The following OPN5 variants were observed in gnomAD, a reference collection of about 807,000 sequenced individuals.
OPN5 encodes the protein opsin-5.
OPN5 carries 18 observed loss-of-function variants against 41.7 expected under a neutral mutation model. The observed-to-expected ratio is 0.43, with a 90% CI of 0.30 to 0.64. The LOEUF is 0.64. Among genes scored for constraint, OPN5 ranks in the 30% least tolerant of loss-of-function variants. The pLI is 0.13. For synonymous variants in OPN5, 178 were observed against 164.3 expected (o/e 1.08, Z -0.64); for missense variants, 318 against 434.5 (o/e 0.73, Z 2.38).
intron 4 of OPN5, among the ~76,000 whole-genome samples, chr6:47,804,447 G>C (rs1375649870): frequency 6.6e-6 from 1 of 152,162 alleles, no homozygotes; most frequent in Non-Finnish European, 1.5e-5. Context: ...GTCAAAAACA[G>C]ACTGATGAAA....
At chr6:47,816,524 GT>G (rs1203643493) in intron 6 of OPN5, among the ~76,000 whole-genome samples, 2 of 152,148 alleles carry the variant, frequency 1.3e-5, no homozygotes, top group Non-Finnish European at 2.9e-5. Flanking sequence ...TCTTGAGTCA[GT>G]TTTCTTCCTC....
intron 4 of OPN5, among the ~76,000 whole-genome samples, chr6:47,796,108 A>C (rs1773562269): frequency 6.6e-6 from 1 of 152,140 alleles, no homozygotes; most frequent in African/African-American, 2.4e-5. Flanking sequence ...CGGTAGTTTC[A>C]GAGGTGACAG....
chr6:47,814,574 G>C (rs1422870018), intron 6 of OPN5, among the ~76,000 whole-genome samples: 1 of 152,076 alleles, frequency 6.6e-6, no homozygotes, highest in Non-Finnish European at 1.5e-5. Context: ...GGAGGCACCA[G>C]AATTGATAGA....
At chr6:47,809,856 G>A (rs1341237579) in intron 5 of OPN5, among the ~76,000 whole-genome samples, 1 of 152,198 alleles carries the variant, frequency 6.6e-6, no homozygotes, top group Admixed American at 6.5e-5. Flanking sequence ...AATTTTAATA[G>A]AGCAGTTGTG....
At chr6:47,821,198 T>C (rs188294052) in intron 6 of OPN5, among the ~76,000 whole-genome samples, 3 of 152,302 alleles carry the variant, frequency 2.0e-5, no homozygotes, top group East Asian at 3.9e-4. Context: ...GGTGTAACTT[T>C]TGTTTCTTTA....
chr6:47,809,792 C>T (rs937238868), intron 5 of OPN5, among the ~76,000 whole-genome samples: 4 of 152,208 alleles, frequency 2.6e-5, no homozygotes, highest in African/African-American at 7.2e-5. Flanking sequence ...GAAGTAATAA[C>T]ACTATGTCCT....
Position 47,822,736 on chromosome 6 carries a change from G to A in OPN5, c.1057-1247G>A, listed in dbSNP as rs368694492. Among the ~76,000 whole-genome samples the A allele has an allele frequency of 1.4e-3, 220 of 152,310 alleles. 1 individual carries two copies. The highest frequency in any genetic ancestry group is 4.7e-3 in the African/African-American group (197 of 41,566). On this transcript the variant is annotated intron_variant, in intron 6 of 6. Coordinates refer to ENST00000371211, the Ensembl canonical transcript of OPN5. ...TGGAGTCTGTTCTGTAGGCAGATTG[G>A]CCATGAGAGCTAATAAAAATTTGTT... is the stretch of plus-strand genomic sequence containing the variant.
intron 4 of OPN5, among the ~76,000 whole-genome samples, chr6:47,801,033 C>A (rs1425928834): frequency 1.3e-5 from 2 of 152,178 alleles, no homozygotes; most frequent in Non-Finnish European, 2.9e-5. Flanking sequence ...GAAAGCCCTC[C>A]TGATTCTCCC....
At chr6:47,810,804 C>T (rs1017818823) in intron 5 of OPN5, among the ~76,000 whole-genome samples, 1 of 152,196 alleles carries the variant, frequency 6.6e-6, no homozygotes, top group Non-Finnish European at 1.5e-5. Context: ...TTCTTTCCTA[C>T]ACCTGGGTAT....
At chr6:47,806,876 G>A (rs143986513) in intron 4 of OPN5, among the ~76,000 whole-genome samples, 65 of 152,192 alleles carry the variant, frequency 4.3e-4, no homozygotes, top group Middle Eastern at 3.4e-3. Flanking sequence ...CTCCTCAGTA[G>A]GCCAGGCGCG....
intron 6 of OPN5, among the ~76,000 whole-genome samples, chr6:47,819,133 G>A (rs1372136856): frequency 2.0e-5 from 3 of 151,380 alleles, no homozygotes; most frequent in African/African-American, 7.3e-5. Flanking sequence ...CTTTAAATTT[G>A]TTTGTCAAAA....
intron 2 of OPN5, among the ~76,000 whole-genome samples, chr6:47,788,716 A>C (rs1000412985): frequency 6.6e-6 from 1 of 151,340 alleles, no homozygotes; most frequent in African/African-American, 2.4e-5. Context: ...TGTTGACTAA[A>C]TATCAAGGGC....
At chr6:47,818,474 C>T (rs1762498326) in intron 6 of OPN5, among the ~76,000 whole-genome samples, 1 of 152,186 alleles carries the variant, frequency 6.6e-6, no homozygotes. Context: ...TGGGCCTGAA[C>T]ATTGTACAAA....
At chr6:47,811,962 C>A (rs939362253) in intron 6 of OPN5, 1 of 331,786 alleles carries the variant, frequency 3.0e-6, no homozygotes, top group Non-Finnish European at 5.5e-6. Flanking sequence ...CTGGAACTTT[C>A]TTTTCTCGTA....
chr6:47,812,292 C>T (rs1762269424), intron 6 of OPN5, among the ~76,000 whole-genome samples: 1 of 152,114 alleles, frequency 6.6e-6, no homozygotes, highest in African/African-American at 2.4e-5. Context: ...GAAAACTCTC[C>T]TGTATCTCCA....
intron 3 of OPN5, 116 bp from the exon 4 acceptor site, chr6:47,795,113 C>T (rs1773500085): frequency 3.6e-6 from 3 of 829,690 alleles, no homozygotes; most frequent in African/African-American, 1.7e-5. Flanking sequence ...GTTATCTGCC[C>T]AGGTCTCCCA....
At chr6:47,801,304 G>A (rs1773765123) in intron 4 of OPN5, among the ~76,000 whole-genome samples, 1 of 152,190 alleles carries the variant, frequency 6.6e-6, no homozygotes, top group Non-Finnish European at 1.5e-5. Context: ...AATGTTAAGA[G>A]GTCCCTTGAA....
At chr6:47,816,914 AT>A (rs1323674733) in intron 6 of OPN5, among the ~76,000 whole-genome samples, 1 of 152,054 alleles carries the variant, frequency 6.6e-6, no homozygotes, top group Non-Finnish European at 1.5e-5. Flanking sequence ...TTTTGTAGTG[AT>A]AGGTGTGAAT....
chr6:47,818,437 T>G (rs1233941825), intron 6 of OPN5, among the ~76,000 whole-genome samples: 1 of 152,196 alleles, frequency 6.6e-6, no homozygotes, highest in Non-Finnish European at 1.5e-5. Flanking sequence ...AAGTGGAGAA[T>G]CAGGCACTCT....
Sources: gnomAD v4.1 joint callset for allele counts (sites outside exome capture counted in the v4.1 genomes callset) on GRCh38, gnomAD v4.1.1 for gene constraint, MANE v1.5 for transcripts, NCBI Gene and HGNC (gene_info 2026-07-23, HGNC 2026-07-21) for gene names.